FHOD3: variants seen among roughly 807,000 people sequenced by gnomAD.
FHOD3 encodes the protein FH1/FH2 domain-containing protein 3.
A neutral mutation model predicts 173.0 loss-of-function variants in FHOD3; 90 were observed. The ratio of observed to expected loss-of-function variants is 0.52; its 90% CI spans 0.44 to 0.62. FHOD3 has a LOEUF of 0.62. FHOD3 is among the 20% of genes least tolerant of loss of function. The probability of loss-of-function intolerance (pLI) is 0.00; values close to 1 mark genes in which losing one functional copy is unlikely to be tolerated. For missense variants in FHOD3, 1,945 were observed against 2,034.7 expected (o/e 0.96, Z 0.85); for synonymous variants, 828 against 823.0 (o/e 1.01, Z -0.10).
intron 1 of FHOD3, among the ~76,000 whole-genome samples, chr18:36,354,011 G>T (rs932305240): frequency 3.9e-5 from 6 of 152,198 alleles, no homozygotes; most frequent in African/African-American, 1.2e-4. Flanking sequence ...GGCCAAGCCT[G>T]TTGGGGGCCT....
chr18:36,706,339 ACT>A (rs2039876979), intron 17 of FHOD3, among the ~76,000 whole-genome samples: 1 of 152,180 alleles, frequency 6.6e-6, no homozygotes, highest in South Asian at 2.1e-4. Flanking sequence ...CCTTGTAGAC[ACT>A]GAGTCATGTA....
In FHOD3 at chr18:36,718,671, G is replaced by C. The variant is rs1383020679; in HGVS notation, c.3373G>C (p.Glu1125Gln). The change falls in exon 19 of 29, where the codon GAG (glutamate) becomes CAG (glutamine). Residue 1125 changes from glutamate (E) to glutamine (Q), a missense_variant. By Grantham distance (29) the Glu-to-Gln change is conservative. Transcript: ENST00000590592. ...CATTAAGGTGGACACTTCCAGACTG[G>C]AGCACCTGTTTGAGTCTAAATCCAA... Reference protein sequence around the residue: ...EPIKVDTSRLEHLFESKSKEL... With the variant: ...EPIKVDTSRLQHLFESKSKEL... 19 of 1,614,130 alleles carry C rather than the reference G, an allele frequency of 1.2e-5. No homozygotes were observed. The highest frequency in any genetic ancestry group is 1.6e-5 in the Non-Finnish European group (19 of 1,180,020).
intron 6 of FHOD3, among the ~76,000 whole-genome samples, chr18:36,588,000 C>T (rs1312782476): frequency 6.6e-6 from 1 of 152,190 alleles, no homozygotes; most frequent in African/African-American, 2.4e-5. Flanking sequence ...GGGTTCGGTG[C>T]TCATGACTTC....
At chr18:36,456,445 A>T (rs2052218300) in intron 3 of FHOD3, among the ~76,000 whole-genome samples, 1 of 152,094 alleles carries the variant, frequency 6.6e-6, no homozygotes, top group Non-Finnish European at 1.5e-5. Flanking sequence ...AGGACAGTTG[A>T]TTGTAATAGA....
Position 36,717,875 on chromosome 18 carries a change from G to C in FHOD3, c.2577G>C (p.Gln859His). Residue 859 changes from glutamine to histidine, a missense_variant, in exon 19 of 29, where the codon CAG becomes CAC. Physicochemically the swap from Gln to His is conservative, Grantham distance 24. Transcript: ENST00000590592. ...TCCAGGATGCAGGTGTAAATGGACA[G>C]TGTGGCGACATCCTCACCAACAAAC... ...AGVQDAGVNG[Q>H]CGDILTNKRF... 6.2e-7 allele frequency: 1 copy of C among 1,608,914 alleles called. No homozygotes were observed. The highest frequency in any genetic ancestry group is 8.5e-7 in the Non-Finnish European group (1 of 1,177,208).
rs149613588 is a variant in FHOD3 at position 36,534,373 on chromosome 18, G to A, written c.511+21830G>A. On this transcript the variant is annotated intron_variant, in intron 5 of 28. Coordinates refer to ENST00000590592, the MANE Select transcript of FHOD3 (RefSeq NM_001281740.3). Reference sequence around the variant, plus strand: ...GGGACAGGGTGAGTCTGAGAGGATGGGCTGATGAGGAGCAAGGGCTGTTCC... The same window carrying A: ...GGGACAGGGTGAGTCTGAGAGGATGAGCTGATGAGGAGCAAGGGCTGTTCC... 1.3e-3 allele frequency among the ~76,000 whole-genome samples: 193 copies of A among 152,320 alleles called. 5 individuals carry two copies. In the East Asian group the frequency reaches 0.031, roughly 24 times the overall value.
chr18:36,390,725 C>T (rs2048261995), intron 3 of FHOD3, among the ~76,000 whole-genome samples: 1 of 152,178 alleles, frequency 6.6e-6, no homozygotes, highest in South Asian at 2.1e-4. Context: ...AAACTTCCTA[C>T]CTGAGTGACT....
intron 16 of FHOD3, among the ~76,000 whole-genome samples, chr18:36,688,191 T>C (rs1231017448): frequency 6.6e-6 from 1 of 152,200 alleles, no homozygotes; most frequent in Non-Finnish European, 1.5e-5. Context: ...CCCAGCTCTT[T>C]ATAGCCTGCA....
chr18:36,735,990 C>T (rs1011863059), intron 20 of FHOD3, among the ~76,000 whole-genome samples: 6 of 152,370 alleles, frequency 3.9e-5, no homozygotes, highest in East Asian at 3.9e-4. Context: ...GCTGGAGAGA[C>T]GCTGTCTAGG....
intron 3 of FHOD3, among the ~76,000 whole-genome samples, chr18:36,455,616 A>G (rs1212886616): frequency 3.3e-5 from 5 of 151,160 alleles, no homozygotes; most frequent in Non-Finnish European, 7.4e-5. Flanking sequence ...AGGTAAATAA[A>G]TGTATTTCAT....
intron 1 of FHOD3, among the ~76,000 whole-genome samples, chr18:36,353,335 G>C (rs1381276105): frequency 2.6e-5 from 4 of 152,200 alleles, no homozygotes; most frequent in Admixed American, 2.0e-4. Flanking sequence ...TCATTCTGTT[G>C]TGGATAACCA....
chr18:36,606,341 A>G (rs924135096), intron 8 of FHOD3, among the ~76,000 whole-genome samples: 15 of 152,196 alleles, frequency 9.9e-5, no homozygotes, highest in African/African-American at 3.6e-4. Flanking sequence ...TTGCCATGCC[A>G]TCCATGGTAG....
intron 3 of FHOD3, among the ~76,000 whole-genome samples, chr18:36,418,102 G>C (rs1374966773): frequency 6.6e-6 from 1 of 152,200 alleles, no homozygotes; most frequent in African/African-American, 2.4e-5. Context: ...ACACTTGTCA[G>C]TTCTCACTTT....
At chr18:36,681,328 C>A in intron 14 of FHOD3, 108 bp from the exon 15 acceptor site, 1 of 1,345,506 alleles carries the variant, frequency 7.4e-7, no homozygotes, top group Non-Finnish European at 1.0e-6. Flanking sequence ...CCAAGCATTG[C>A]CTAGGTACCG....
At chr18:36,610,128 C>A (rs1252446030) in intron 8 of FHOD3, among the ~76,000 whole-genome samples, 1 of 152,174 alleles carries the variant, frequency 6.6e-6, no homozygotes, top group Non-Finnish European at 1.5e-5. Flanking sequence ...TCTCTCTGTG[C>A]CTGGGGCTGG....
intron 17 of FHOD3, among the ~76,000 whole-genome samples, chr18:36,704,991 G>A (rs1226448883): frequency 2.1e-5 from 1 of 48,564 alleles, no homozygotes; most frequent in African/African-American, 9.0e-5. Context: ...TTCCTCCTCT[G>A]TCTCTCTCTC....
chr18:36,625,471 C>T, intron 9 of FHOD3, 40 bp from the exon 10 acceptor site: 1 of 1,370,672 alleles, frequency 7.3e-7, no homozygotes, highest in Non-Finnish European at 9.6e-7. Context: ...TGAAAGGATG[C>T]CAAGCCTGAC....
At chr18:36,587,369 G>C (rs2860949) in intron 6 of FHOD3, among the ~76,000 whole-genome samples, 1 of 152,110 alleles carries the variant, frequency 6.6e-6, no homozygotes, top group Non-Finnish European at 1.5e-5. Flanking sequence ...AGGAGGGGGA[G>C]CTTCTGACCT....
intron 3 of FHOD3, among the ~76,000 whole-genome samples, chr18:36,448,531 A>T (rs1481334825): frequency 6.6e-6 from 1 of 152,060 alleles, no homozygotes; most frequent in Non-Finnish European, 1.5e-5. Context: ...TCTCTCCCAC[A>T]TGACTCTCTG....
Sources: allele counts gnomAD v4.1 joint callset (sites outside exome capture counted in the v4.1 genomes callset), GRCh38; gene constraint gnomAD v4.1.1; transcripts MANE v1.5; gene names NCBI Gene and HGNC (gene_info 2026-07-23, HGNC 2026-07-21).